Variants in SHANK2 observed in about 807,000 individuals in gnomAD.
The protein encoded by SHANK2 is SH3 and multiple ankyrin repeat domains protein 2.
In SHANK2, 43 loss-of-function variants were observed where a neutral mutation model predicts 133.7. The ratio of observed to expected loss-of-function variants is 0.32; its 90% CI spans 0.25 to 0.41. SHANK2 has a LOEUF of 0.41. Ranked by LOEUF, SHANK2 falls within the 10% of genes least tolerant of loss-of-function variation. The probability of loss-of-function intolerance (pLI) is 1.00; values close to 1 mark genes in which losing one functional copy is unlikely to be tolerated. For missense variants in SHANK2, 1,994 were observed against 2,235.8 expected (o/e 0.89, Z 2.18); for synonymous variants, 1,017 against 952.8 (o/e 1.07, Z -1.24).
intron 2 of SHANK2, among the ~76,000 whole-genome samples, chr11:71,218,367 C>G (rs113516202): frequency 6.7e-6 from 1 of 149,418 alleles, no homozygotes; most frequent in African/African-American, 2.5e-5. Context: ...CAGGTTCAAG[C>G]GATTCTCCTG....
At chr11:70,524,371 C>A (rs1554971735) in intron 17 of SHANK2, among the ~76,000 whole-genome samples, 1 of 152,238 alleles carries the variant, frequency 6.6e-6, no homozygotes, top group African/African-American at 2.4e-5. Context: ...GGACTATCTT[C>A]AACTTAATCT....
intron 2 of SHANK2, among the ~76,000 whole-genome samples, chr11:71,218,071 C>T (rs1203807684): frequency 6.6e-6 from 1 of 151,804 alleles, no homozygotes; most frequent in Non-Finnish European, 1.5e-5. Flanking sequence ...AGGATGGTCT[C>T]GATCTCCTTA....
intron 11 of SHANK2, among the ~76,000 whole-genome samples, chr11:70,883,335 C>T (rs541550847): frequency 6.6e-6 from 1 of 152,270 alleles, no homozygotes; most frequent in South Asian, 2.1e-4. Flanking sequence ...GATTTAGCAC[C>T]CCCTAATGCT....
At chr11:70,771,493 A>G (rs975326855) in intron 14 of SHANK2, among the ~76,000 whole-genome samples, 1 of 152,174 alleles carries the variant, frequency 6.6e-6, no homozygotes, top group Non-Finnish European at 1.5e-5. Flanking sequence ...TTCTGAGCAC[A>G]TTCTCAGGGT....
At chr11:70,523,241 C>A (rs891365041) in intron 17 of SHANK2, among the ~76,000 whole-genome samples, 4 of 152,220 alleles carry the variant, frequency 2.6e-5, no homozygotes, top group Non-Finnish European at 5.9e-5. Flanking sequence ...TGGCCTCACA[C>A]CTCAATGCGA....
At chr11:71,082,228 C>T (rs940728163) in intron 8 of SHANK2, among the ~76,000 whole-genome samples, 6 of 152,324 alleles carry the variant, frequency 3.9e-5, no homozygotes, top group East Asian at 1.9e-4. Context: ...CTGCTGTTCA[C>T]GCTGGCCCTT....
At chr11:70,638,004 A>T (rs2061128640) in intron 17 of SHANK2, among the ~76,000 whole-genome samples, 1 of 152,216 alleles carries the variant, frequency 6.6e-6, no homozygotes, top group South Asian at 2.1e-4. Context: ...GGTGGGTCCC[A>T]TTCACAGATG....
intron 17 of SHANK2, among the ~76,000 whole-genome samples, chr11:70,533,654 T>C (rs1292433096): frequency 6.6e-6 from 1 of 152,098 alleles, no homozygotes; most frequent in Non-Finnish European, 1.5e-5. Context: ...TGAGATGAGC[T>C]TATATAATGT....
intron 9 of SHANK2, among the ~76,000 whole-genome samples, chr11:71,057,186 T>C (rs2135920661): frequency 6.6e-6 from 1 of 152,062 alleles, no homozygotes; most frequent in South Asian, 2.1e-4. Context: ...ATACAAAAAT[T>C]AGCCGGGCAT....
chr11:70,561,070 T>A (rs868937409), intron 17 of SHANK2, among the ~76,000 whole-genome samples: 52 of 152,240 alleles, frequency 3.4e-4, no homozygotes, highest in African/African-American at 1.2e-3. Context: ...TTCAACAGAG[T>A]AGGAATCTGC....
chr11:70,660,085 A>C, intron 16 of SHANK2, 133 bp from the exon 17 acceptor site: 1 of 1,105,962 alleles, frequency 9.0e-7, no homozygotes, highest in Non-Finnish European at 1.3e-6. Flanking sequence ...GTCCAGGCCA[A>C]CTCTCCCCCA....
chr11:70,655,518 A>C (rs1227490869), intron 17 of SHANK2, among the ~76,000 whole-genome samples: 2 of 152,182 alleles, frequency 1.3e-5, no homozygotes, highest in Non-Finnish European at 2.9e-5. Context: ...CAGGGCTTGT[A>C]GGGTTTGGAG....
intron 8 of SHANK2, among the ~76,000 whole-genome samples, chr11:71,077,870 C>T (rs892415244): frequency 1.3e-5 from 2 of 152,074 alleles, no homozygotes; most frequent in Non-Finnish European, 2.9e-5. Flanking sequence ...TAGAATATGC[C>T]TTGTGGTGTT....
At chr11:70,626,406 A>G (rs1554999979) in intron 17 of SHANK2, among the ~76,000 whole-genome samples, 1 of 152,232 alleles carries the variant, frequency 6.6e-6, no homozygotes, top group African/African-American at 2.4e-5. Flanking sequence ...ATCCTGCCTC[A>G]TATCACAGCG....
chr11:71,160,345 A>T (rs1555109733), intron 2 of SHANK2, among the ~76,000 whole-genome samples: 1 of 152,172 alleles, frequency 6.6e-6, no homozygotes, highest in Non-Finnish European at 1.5e-5. Flanking sequence ...CCTAACCCCC[A>T]ATGTGATGGT....
At chr11:70,475,313 TGA>T (rs1485695570) in intron 25 of SHANK2, 1 of 152,208 alleles carries the variant, frequency 6.6e-6, no homozygotes, top group Non-Finnish European at 1.5e-5. Context: ...CCCCAGACAC[TGA>T]GAGACCCTGA....
intron 11 of SHANK2, among the ~76,000 whole-genome samples, chr11:70,860,364 T>C (rs1193166364): frequency 6.6e-6 from 1 of 152,134 alleles, no homozygotes. Flanking sequence ...ATCAGATCTC[T>C]CCCATCACCC....
intron 9 of SHANK2, among the ~76,000 whole-genome samples, chr11:71,058,997 C>A (rs943331924): frequency 3.3e-5 from 5 of 152,168 alleles, no homozygotes; most frequent in African/African-American, 1.2e-4. Context: ...GGCGGATCAC[C>A]TGAGGTCAGG....
intron 10 of SHANK2, among the ~76,000 whole-genome samples, chr11:70,916,488 T>C (rs573226090): frequency 1.3e-5 from 2 of 152,144 alleles, no homozygotes; most frequent in Admixed American, 1.3e-4. Flanking sequence ...CAGTCACTCA[T>C]GTGTATGTGT....
Sources: gnomAD v4.1 joint callset for allele counts (sites outside exome capture counted in the v4.1 genomes callset) on GRCh38, gnomAD v4.1.1 for gene constraint, MANE v1.5 for transcripts, NCBI Gene and HGNC (gene_info 2026-07-23, HGNC 2026-07-21) for gene names.